SPOCK1: variants seen among roughly 807,000 people sequenced by gnomAD.
SPOCK1 encodes the protein testican-1.
Under a neutral mutation model 55.3 loss-of-function variants are expected in SPOCK1, and 23 were observed. The observed-to-expected ratio is 0.42, with a 90% CI of 0.30 to 0.59. The LOEUF is 0.59. Among genes scored for constraint, SPOCK1 ranks in the 20% least tolerant of loss-of-function variants. The pLI is 0.22. For synonymous variants in SPOCK1, 226 were observed against 221.0 expected, an observed-to-expected ratio of 1.02 and a Z score of -0.20; for missense variants, 499 against 552.5, an observed-to-expected ratio of 0.90 and a Z score of 0.97.
intron 6 of SPOCK1, among the ~76,000 whole-genome samples, chr5:137,034,417 C>A (rs750277511): frequency 1.3e-5 from 2 of 152,146 alleles, no homozygotes; most frequent in Non-Finnish European, 2.9e-5. Context: ...ATGGCATTCT[C>A]CGAGGCAGAG....
At chr5:137,054,988 C>A (rs986907952) in intron 6 of SPOCK1, among the ~76,000 whole-genome samples, 1 of 152,084 alleles carries the variant, frequency 6.6e-6, no homozygotes, top group Non-Finnish European at 1.5e-5. Flanking sequence ...GTTTCAACCA[C>A]ATGAAATGAA....
At chr5:137,381,384 T>C (rs1046831287) in intron 2 of SPOCK1, among the ~76,000 whole-genome samples, 20 of 152,156 alleles carry the variant, frequency 1.3e-4, no homozygotes, top group African/African-American at 4.8e-4. Flanking sequence ...AGCGCCCCAG[T>C]GGGGATTCTG....
At chr5:137,356,634 T>C (rs1030885285) in intron 2 of SPOCK1, among the ~76,000 whole-genome samples, 3 of 149,982 alleles carry the variant, frequency 2.0e-5, no homozygotes, top group Non-Finnish European at 4.4e-5. Context: ...TCTACTAAAA[T>C]ACAAAAAATA....
At chr5:137,138,259 G>C (rs974046123) in intron 4 of SPOCK1, among the ~76,000 whole-genome samples, 2 of 152,166 alleles carry the variant, frequency 1.3e-5, no homozygotes, top group East Asian at 3.9e-4. Flanking sequence ...GGAGATGTGG[G>C]AGATGAGGAT....
At chr5:137,249,568 A>G (rs1415823625) in intron 3 of SPOCK1, among the ~76,000 whole-genome samples, 1 of 152,376 alleles carries the variant, frequency 6.6e-6, no homozygotes, top group East Asian at 1.9e-4. Flanking sequence ...GCTATTAAGA[A>G]TAGTTATCTA....
intron 3 of SPOCK1, among the ~76,000 whole-genome samples, chr5:137,177,925 A>C (rs1303870573): frequency 2.0e-5 from 3 of 152,184 alleles, no homozygotes; most frequent in Non-Finnish European, 4.4e-5. Context: ...AAATAGAGGC[A>C]GTATAGCTAG....
rs111945614 is a variant in SPOCK1 at position 137,024,316 on chromosome 5, G to T, written c.590-31716C>A. Among the ~76,000 whole-genome samples, 6 of 139,954 alleles carry T rather than the reference G, an allele frequency of 4.3e-5. 1 individual carries two copies. Among genetic ancestry groups the T allele is most frequent in the Admixed American group, 4.2e-4 (6 of 14,224 alleles). The allele number at this position is 139,954 out of a possible 152,430, so 91.8% of individuals were successfully genotyped here. On this transcript the variant is annotated intron_variant, in intron 6 of 10. Coordinates refer to ENST00000394945, the MANE Select transcript of SPOCK1 (RefSeq NM_004598.4). The stretch of plus-strand genomic sequence containing the variant: ...AGCACTAAATTGCACCAGTTTGAAG[G>T]GGGGGGGGTAGTTACAACTGACTGC...
chr5:137,036,441 T>C (rs1300609317), intron 6 of SPOCK1, among the ~76,000 whole-genome samples: 1 of 152,224 alleles, frequency 6.6e-6, no homozygotes, highest in Non-Finnish European at 1.5e-5. Flanking sequence ...AAGCTCTCTC[T>C]ACTTTCCTTC....
chr5:137,465,900 G>C lies in SPOCK1; in HGVS notation c.186+32473C>G, dbSNP rs892949922. 2.6e-5 allele frequency among the ~76,000 whole-genome samples: 4 copies of C among 152,122 alleles called. No individual in the cohort carries two copies. The East Asian group carries it at 7.7e-4, about 29-fold the overall frequency. On this transcript the variant is annotated intron_variant, in intron 2 of 10. Coordinates refer to ENST00000394945, the MANE Select transcript of SPOCK1 (RefSeq NM_004598.4). ...AATGCATACAAAATTACAGCACAAG[G>C]TCTTAGAACCTCATAACCTAAAACC...
rs1458839510 is a variant in SPOCK1, at chr5:137,160,644, A to G, written c.233-19950T>C. Among the ~76,000 whole-genome samples, 186 of 96,778 alleles carry G rather than the reference A, an allele frequency of 1.9e-3. 3 individuals carry two copies. The highest frequency in any genetic ancestry group is 7.0e-3 in the African/African-American group (172 of 24,656). 63.5% of individuals were successfully genotyped at this position (96,778 alleles called of 152,430 possible). A position where few individuals can be genotyped will look rare whatever the true frequency, so the allele number is the denominator to read the frequency against. ...ATATTTTATATAATATATAATATAT[A>G]TTTTATATAATATACAATATATAAT... is the stretch of plus-strand genomic sequence containing the variant. On this transcript the variant is annotated intron_variant, in intron 3 of 10. Coordinates refer to ENST00000394945, the MANE Select transcript of SPOCK1 (RefSeq NM_004598.4).
chr5:136,987,234 G>GCTAT (rs548484463), intron 8 of SPOCK1, among the ~76,000 whole-genome samples: 87 of 152,060 alleles, frequency 5.7e-4, no homozygotes, highest in Non-Finnish European at 9.7e-4. Flanking sequence ...GAGAAGCTTG[G>GCTAT]CTATCTTAAA....
intron 2 of SPOCK1, among the ~76,000 whole-genome samples, chr5:137,272,277 GGAA>G (rs1561490071): frequency 1.3e-5 from 2 of 152,172 alleles, no homozygotes; most frequent in African/African-American, 4.8e-5. Flanking sequence ...GGGGGGAATA[GGAA>G]GAAGATCTGG....
chr5:137,114,173 C>G (rs968710723), intron 4 of SPOCK1, among the ~76,000 whole-genome samples: 2 of 152,204 alleles, frequency 1.3e-5, no homozygotes, highest in Non-Finnish European at 2.9e-5. Context: ...GCCTGTCTAA[C>G]CACAGAACCA....
intron 2 of SPOCK1, among the ~76,000 whole-genome samples, chr5:137,348,817 T>C (rs12517481): frequency 0.2 from 30,184 of 152,170 alleles, 3,146 homozygotes; most frequent in East Asian, 0.26. Context: ...GAAACCTGAC[T>C]CTTAATTCTG....
At chr5:137,083,333 A>C (rs1185875243) in intron 5 of SPOCK1, among the ~76,000 whole-genome samples, 1 of 152,190 alleles carries the variant, frequency 6.6e-6, no homozygotes, top group Non-Finnish European at 1.5e-5. Flanking sequence ...GAGTGGCGGA[A>C]GCAGAGGCTC....
At chr5:137,332,004 C>A (rs73296867) in intron 2 of SPOCK1, among the ~76,000 whole-genome samples, 5,905 of 152,262 alleles carry the variant, frequency 0.039, 394 homozygotes, top group African/African-American at 0.13. Flanking sequence ...ATCGCTCCCC[C>A]ACATTCAAAG....
At chr5:137,238,057 G>A (rs1335300080) in intron 3 of SPOCK1, among the ~76,000 whole-genome samples, 1 of 152,048 alleles carries the variant, frequency 6.6e-6, no homozygotes, top group Non-Finnish European at 1.5e-5. Context: ...TGTGATCTTG[G>A]GCAAGACTGG....
intron 3 of SPOCK1, among the ~76,000 whole-genome samples, chr5:137,187,508 T>C (rs1052443339): frequency 6.6e-6 from 1 of 152,194 alleles, no homozygotes; most frequent in Non-Finnish European, 1.5e-5. Context: ...TAATTTCTCA[T>C]CTATAGCAAA....
intron 6 of SPOCK1, among the ~76,000 whole-genome samples, chr5:137,036,424 C>G (rs1380260362): frequency 6.6e-6 from 1 of 152,064 alleles, no homozygotes; most frequent in Non-Finnish European, 1.5e-5. Flanking sequence ...CCTGTGTCCT[C>G]CTCCCTAAGC....
Sources: allele counts gnomAD v4.1 joint callset (sites outside exome capture counted in the v4.1 genomes callset), GRCh38; gene constraint gnomAD v4.1.1; transcripts MANE v1.5; gene names NCBI Gene and HGNC (gene_info 2026-07-23, HGNC 2026-07-21).